The following CEMIP2 variants were observed in gnomAD, a reference collection of about 807,000 sequenced individuals.
CEMIP2 encodes the protein cell migration inducing hyaluronidase 2.
Under a neutral mutation model 146.9 loss-of-function variants are expected in CEMIP2, and 79 were observed. The ratio of observed to expected loss-of-function variants is 0.54; its 90% CI spans 0.45 to 0.65. The LOEUF (loss-of-function observed/expected upper bound fraction) is 0.65. Among genes scored for constraint, CEMIP2 ranks in the 30% least tolerant of loss-of-function variants. The pLI is 0.00. For missense variants in CEMIP2, 1,596 were observed against 1,696.2 expected (o/e 0.94, Z 1.04); for synonymous variants, 601 against 606.3 (o/e 0.99, Z 0.13).
intron 22 of CEMIP2, among the ~76,000 whole-genome samples, chr9:71,689,280 T>C (rs1016970335): frequency 3.3e-5 from 5 of 152,254 alleles, no homozygotes; most frequent in African/African-American, 1.2e-4. Flanking sequence ...GCATAAGCTA[T>C]TGGAAAATGA....
chr9:71,749,153 A>G (rs1484322058), intron 2 of CEMIP2, among the ~76,000 whole-genome samples: 1 of 152,242 alleles, frequency 6.6e-6, no homozygotes, highest in African/African-American at 2.4e-5. Flanking sequence ...AGAAAATACC[A>G]TTTAAGAAAT....
rs138111019 is a variant in CEMIP2 at position 71,763,199 on chromosome 9, T to C, written c.-13+5158A>G. On this transcript the variant is annotated intron_variant, in intron 1 of 23. Transcript: ENST00000377044. ...AATTAACTTTCCAAACTTCATTGTA[T>C]GTGAAAAAATGATTCATTCTTCAGG... Among the ~76,000 whole-genome samples, 16 of 152,250 alleles carry C rather than the reference T, an allele frequency of 1.1e-4. No individual in the cohort carries two copies. In the East Asian group the frequency reaches 3.1e-3, roughly 29 times the overall value.
At chr9:71,750,907 T>C (rs1323314141) in intron 1 of CEMIP2, among the ~76,000 whole-genome samples, 1 of 151,944 alleles carries the variant, frequency 6.6e-6, no homozygotes, top group East Asian at 1.9e-4. Flanking sequence ...CCACGATGAT[T>C]GGCTAATTTT....
chr9:71,736,702 T>C (rs1269431387), intron 5 of CEMIP2, among the ~76,000 whole-genome samples: 1 of 152,220 alleles, frequency 6.6e-6, no homozygotes, highest in Non-Finnish European at 1.5e-5. Context: ...TTAACATTCA[T>C]GATATAATCT....
chr9:71,711,038 G>T (rs1477255423), intron 16 of CEMIP2, among the ~76,000 whole-genome samples: 1 of 152,152 alleles, frequency 6.6e-6, no homozygotes, highest in Non-Finnish European at 1.5e-5. Context: ...GTGGGAACAG[G>T]CAGCTAGATG....
chr9:71,741,544 T>G (rs1161876715), intron 4 of CEMIP2, among the ~76,000 whole-genome samples: 1 of 151,658 alleles, frequency 6.6e-6, no homozygotes, highest in South Asian at 2.1e-4. Flanking sequence ...AGAATCACTA[T>G]CCAACAGATT....
Position 71,712,174 on chromosome 9 carries a change from T to A in CEMIP2, c.2678A>T (p.Asp893Val). The change falls in exon 16 of 24, where the codon GAT (aspartate) becomes GTT (valine). Residue 893 changes from aspartate (D) to valine (V), a missense_variant. Asp to Val is a radical substitution (Grantham distance 152). Transcript: ENST00000377044. ...GAAGCCAATTGCACTGCTGTACCTA[T>A]CTGGAGTTGGCACATATTTTTTGAA... ...STFKKYVPTP[D>V]RYSSAIGFLM... 1 of 1,614,196 alleles carries A rather than the reference T, an allele frequency of 6.2e-7. No individual in the cohort carries two copies. The highest frequency in any genetic ancestry group is 8.5e-7 in the Non-Finnish European group (1 of 1,180,030).
chr9:71,713,993 G>A lies in CEMIP2; in HGVS notation c.2591+941C>T, dbSNP rs148997428. Among the ~76,000 whole-genome samples, 215 of 151,866 alleles carry A rather than the reference G, an allele frequency of 1.4e-3. 2 individuals are homozygous for A. Among genetic ancestry groups the A allele is most frequent in the African/African-American group, 4.2e-3 (174 of 41,368 alleles). On this transcript the variant is annotated intron_variant, in intron 15 of 23. Transcript: ENST00000377044. ...CAGAGTGTAGCACATAGCAGTGCTC[G>A]ATATTCCACAACAACAAGCACAAGG...
intron 15 of CEMIP2, among the ~76,000 whole-genome samples, chr9:71,714,637 T>C (rs1822997095): frequency 6.6e-6 from 1 of 152,222 alleles, no homozygotes; most frequent in Non-Finnish European, 1.5e-5. Context: ...AAACAGTTTA[T>C]ATAAGGTCTT....
rs1822458956 is a variant in CEMIP2, at chr9:71,698,257, C to A, written c.3378-53G>T. ...AGTTAGACTTATTCTCAAAAACTTA[C>A]AAAATTCCTCAAATCAGCTCATGGC... is the stretch of plus-strand genomic sequence containing the variant. On this transcript the variant is annotated intron_variant, in intron 19 of 23. Transcript: ENST00000377044. 13 of 1,515,232 alleles carry A rather than the reference C, an allele frequency of 8.6e-6. 1 individual carries two copies. Among genetic ancestry groups the A allele is most frequent in the Non-Finnish European group, 1.0e-5 (11 of 1,102,582 alleles). The allele number at this position is 1,515,232 out of a possible 1,614,324, so 93.9% of individuals were successfully genotyped here. A position where few individuals can be genotyped will look rare whatever the true frequency, so the allele number is the denominator to read the frequency against.
At chr9:71,739,938 A>T (rs1006081945) in intron 5 of CEMIP2, 125 bp downstream of exon 5, 6 of 909,122 alleles carry the variant, frequency 6.6e-6, no homozygotes, top group Non-Finnish European at 8.0e-6. Context: ...CTAAGTTTCA[A>T]CTTCAACTAG....
chr9:71,699,615 G>A (rs569689789), intron 19 of CEMIP2, among the ~76,000 whole-genome samples: 1 of 152,192 alleles, frequency 6.6e-6, no homozygotes. Flanking sequence ...TAACAACTGA[G>A]CCCCGACTTC....
At chr9:71,691,317 G>GGC (rs35240466) in intron 21 of CEMIP2, among the ~76,000 whole-genome samples, 35,238 of 151,240 alleles carry the variant, frequency 0.23, 4,850 homozygotes, top group African/African-American at 0.38. Context: ...CTACTTGGGA[G>GGC]TGAGGCAGGA....
chr9:71,731,846 C>T (rs79337678), intron 7 of CEMIP2, among the ~76,000 whole-genome samples: 7,297 of 152,016 alleles, frequency 0.048, 277 homozygotes, highest in Admixed American at 0.12. Context: ...AGAAGTCCAA[C>T]AGATTAGTAT....
intron 4 of CEMIP2, among the ~76,000 whole-genome samples, chr9:71,744,162 C>T (rs1824006839): frequency 6.6e-6 from 1 of 152,052 alleles, no homozygotes; most frequent in Admixed American, 6.6e-5. Context: ...ATCACTTGAG[C>T]ACAGAAGTTT....
At position 71,730,322 on chromosome 9, in the gene CEMIP2, T is replaced by G. The variant is rs1823579785; in HGVS notation, c.1774-69A>C. 6 of 1,468,936 alleles carry G rather than the reference T, an allele frequency of 4.1e-6. No homozygotes were observed. In the East Asian group the frequency reaches 1.2e-4, roughly 29 times the overall value. The allele number at this position is 1,468,936 out of a possible 1,614,324, so 91.0% of individuals were successfully genotyped here. A position where few individuals can be genotyped will look rare whatever the true frequency, so the allele number is the denominator to read the frequency against. ...ATTGTGATTTAAGTGACAAGCGCTA[T>G]CCAGTGTAGCATGTTCAGTACAAGT... On this transcript the variant is annotated intron_variant, in intron 8 of 23. Transcript: ENST00000377044.
At chr9:71,769,249 T>G (rs1824899373), upstream of CEMIP2, among the ~76,000 whole-genome samples, 1 of 152,002 alleles carries the variant, frequency 6.6e-6, no homozygotes, top group African/African-American at 2.4e-5. Context: ...GCCCCCAAAG[T>G]CCCCTGGCTG....
Position 71,722,450 on chromosome 9 carries a change from G to A in CEMIP2, c.2244C>T (p.Tyr748=). Residue 748 remains tyrosine, a synonymous_variant, in exon 12 of 24, where the codon TAC becomes TAT. Coordinates refer to ENST00000377044, the MANE Select transcript of CEMIP2 (RefSeq NM_013390.3). ...ACCTTGCACTATTGTCCAAACAGAGGTATTCCCTTGGGTCAGCAGCACTAG... is the reference window on the plus strand; with the variant it reads ...ACCTTGCACTATTGTCCAAACAGAGATATTCCCTTGGGTCAGCAGCACTAG... ...TNSSAADPRE[Y]LCLDNSARFR... 1 of 1,613,654 alleles carries A rather than the reference G, an allele frequency of 6.2e-7. No individual in the cohort carries two copies. Among genetic ancestry groups the A allele is most frequent in the East Asian group, 2.2e-5 (1 of 44,848 alleles).
chr9:71,766,253 A>T (rs1824789274), intron 1 of CEMIP2, among the ~76,000 whole-genome samples: 1 of 151,442 alleles, frequency 6.6e-6, no homozygotes, highest in African/African-American at 2.4e-5. Flanking sequence ...TTGTATTTTT[A>T]GTAGAGATAG....
Sources: gnomAD v4.1 joint callset for allele counts (sites outside exome capture counted in the v4.1 genomes callset) on GRCh38, gnomAD v4.1.1 for gene constraint, MANE v1.5 for transcripts, NCBI Gene and HGNC (gene_info 2026-07-23, HGNC 2026-07-21) for gene names.